Variants in BEND5 observed in about 807,000 individuals in gnomAD.
BEND5 encodes BEN domain containing 5.
BEND5 carries 22 observed loss-of-function variants against 43.9 expected under a neutral mutation model. That is an observed-to-expected ratio of 0.50 (90% CI 0.36 to 0.72). The LOEUF (loss-of-function observed/expected upper bound fraction) is 0.72. Ranked by LOEUF, BEND5 falls within the 30% of genes least tolerant of loss-of-function variation. The probability of loss-of-function intolerance (pLI) is 0.00; values close to 1 mark genes in which losing one functional copy is unlikely to be tolerated. For missense variants in BEND5, 428 were observed against 550.6 expected, an observed-to-expected ratio of 0.78 and a Z score of 2.23; for synonymous variants, 228 against 225.9, an observed-to-expected ratio of 1.01 and a Z score of -0.08.
intron 4 of BEND5, among the ~76,000 whole-genome samples, chr1:48,737,162 T>C (rs765118411): frequency 2.6e-5 from 4 of 152,136 alleles, no homozygotes; most frequent in Non-Finnish European, 5.9e-5. Context: ...CACGCACCTG[T>C]AGTCCCAGCT....
chr1:48,756,835 T>C (rs971031904), intron 3 of BEND5, among the ~76,000 whole-genome samples: 2 of 152,178 alleles, frequency 1.3e-5, no homozygotes, highest in Non-Finnish European at 1.5e-5. Context: ...CTATGCATAC[T>C]TGGGGCTCCA....
At position 48,761,521 on chromosome 1, in the gene BEND5, T is replaced by C. The variant is rs762876838; in HGVS notation, c.227-51A>G. 2.6e-4 allele frequency: 395 copies of C among 1,522,318 alleles called. 1 individual carries two copies. The highest frequency in any genetic ancestry group is 3.2e-4 in the Non-Finnish European group (364 of 1,131,968). The allele number at this position is 1,522,318 out of a possible 1,614,324, so 94.3% of individuals were successfully genotyped here. ...GTTCATCATGAGTTAAAATGAGTCATTATGAGTTTAGAATGCCCAAAACCT... is the reference window on the plus strand; with the variant it reads ...GTTCATCATGAGTTAAAATGAGTCACTATGAGTTTAGAATGCCCAAAACCT... On this transcript the variant is annotated intron_variant, in intron 1 of 5. Coordinates refer to ENST00000371833, the MANE Select transcript of BEND5 (RefSeq NM_024603.4).
chr1:48,728,287 A>G (rs1647502744), intron 5 of BEND5, among the ~76,000 whole-genome samples: 1 of 152,148 alleles, frequency 6.6e-6, no homozygotes, highest in African/African-American at 2.4e-5. Flanking sequence ...GTGGAGCAGG[A>G]TACTATTGGT....
At chr1:48,749,247 C>A (rs147053451) in intron 3 of BEND5, among the ~76,000 whole-genome samples, 87 of 152,016 alleles carry the variant, frequency 5.7e-4, no homozygotes, top group African/African-American at 2.0e-3. Context: ...TTTTTTCTCT[C>A]TGTAGCATTT....
At chr1:48,762,686 C>G (rs1220280206) in intron 1 of BEND5, among the ~76,000 whole-genome samples, 6 of 150,626 alleles carry the variant, frequency 4.0e-5, no homozygotes, top group Non-Finnish European at 8.8e-5. Context: ...TAAACATGCT[C>G]TTACACTGTT....
chr1:48,762,652 G>GTA (rs1644331131), intron 1 of BEND5, among the ~76,000 whole-genome samples: 3 of 147,014 alleles, frequency 2.0e-5, no homozygotes, highest in Admixed American at 1.4e-4. Flanking sequence ...GTGTGTGTGT[G>GTA]TGTGTGTATG....
chr1:48,755,780 A>T (rs936503787), intron 3 of BEND5, among the ~76,000 whole-genome samples: 1 of 152,144 alleles, frequency 6.6e-6, no homozygotes. Flanking sequence ...GTTTACCTCC[A>T]TCACTACCCT....
chr1:48,731,863 G>A (rs180934311), intron 5 of BEND5, among the ~76,000 whole-genome samples: 2 of 152,282 alleles, frequency 1.3e-5, no homozygotes, highest in Middle Eastern at 3.4e-3. Flanking sequence ...ATTCTGAACA[G>A]GCTGTGACTG....
At chr1:48,746,306 T>C (rs1650753217) in intron 3 of BEND5, among the ~76,000 whole-genome samples, 1 of 152,176 alleles carries the variant, frequency 6.6e-6, no homozygotes, top group Non-Finnish European at 1.5e-5. Flanking sequence ...TAAGTTCGTC[T>C]CTACTAAAGC....
At chr1:48,759,309 T>A in intron 2 of BEND5, 25 bp from the exon 3 acceptor site, 1 of 1,546,852 alleles carries the variant, frequency 6.5e-7, no homozygotes, top group Non-Finnish European at 8.7e-7. Context: ...GAGAATCAGT[T>A]CAGGCAAGGG....
chr1:48,774,669 T>C (rs943991643), intron 1 of BEND5, among the ~76,000 whole-genome samples: 3 of 152,224 alleles, frequency 2.0e-5, no homozygotes, highest in Admixed American at 2.0e-4. Context: ...TCAAAATTCA[T>C]GGTTCTCAAA....
rs58396843 is a variant in BEND5 at position 48,762,614 on chromosome 1, TTGTGTGTGTG to T, written c.227-1154_227-1145del. Among the ~76,000 whole-genome samples the T allele has an allele frequency of 6.9e-4, 52 of 75,180 alleles. No individual in the cohort carries two copies. In the South Asian group the frequency reaches 0.01, roughly 15 times the overall value. The allele number at this position is 75,180 out of a possible 152,430, so 49.3% of individuals were successfully genotyped here. A position where few individuals can be genotyped will look rare whatever the true frequency, so the allele number is the denominator to read the frequency against. ...TAGTTAAATCCAGTCTTTAAGGGTT[TTGTGTGTGTG>T]TGTGTGTGTGTGTGTGTGTGTGTGT... On this transcript the variant is annotated intron_variant, in intron 1 of 5. Coordinates refer to ENST00000371833, the MANE Select transcript of BEND5 (RefSeq NM_024603.4).
Position 48,727,775 on chromosome 1 carries a change from T to A in BEND5, c.*111A>T. 1.9e-6 allele frequency: 2 copies of A among 1,049,840 alleles called. No homozygotes were observed. The highest frequency in any genetic ancestry group is 2.8e-6 in the Non-Finnish European group (2 of 715,714). 65.0% of individuals were successfully genotyped at this position (1,049,840 alleles called of 1,614,324 possible). On this transcript the variant is annotated 3_prime_UTR_variant, in exon 6 of 6. Transcript: ENST00000371833. ...GCCGCTGACCCCAGAACCCGATGGA[T>A]CCCTGCACACACACCACCATGCACG...
At chr1:48,744,171 A>G (rs1314822779) in intron 3 of BEND5, among the ~76,000 whole-genome samples, 5 of 152,212 alleles carry the variant, frequency 3.3e-5, no homozygotes, top group African/African-American at 1.2e-4. Flanking sequence ...CCTCCCAATT[A>G]GAGGTGCAAG....
Position 48,736,553 on chromosome 1 carries a change from T to G in BEND5, c.895-101A>C. On this transcript the variant is annotated intron_variant, in intron 4 of 5. Coordinates refer to ENST00000371833, the MANE Select transcript of BEND5 (RefSeq NM_024603.4). This position sits in a 1 kb window ranked among gnomAD's most constrained non-coding sequence, Gnocchi z 4.0. ...AGCATTGCTGCACAACTGTAAGAGA[T>G]TCATGTCATAAATATGAAATTAACT... 9.9e-7 allele frequency: 1 copy of G among 1,012,956 alleles called. No individual in the cohort carries two copies. The highest frequency in any genetic ancestry group is 1.5e-6 in the Non-Finnish European group (1 of 666,906). 62.7% of individuals were successfully genotyped at this position (1,012,956 alleles called of 1,614,324 possible). A position where few individuals can be genotyped will look rare whatever the true frequency, so the allele number is the denominator to read the frequency against.
At chr1:48,772,714 G>A (rs1426881300) in intron 1 of BEND5, among the ~76,000 whole-genome samples, 8 of 152,142 alleles carry the variant, frequency 5.3e-5, no homozygotes, top group Admixed American at 5.2e-4. Context: ...AAAAGCAATT[G>A]GGAAAATAGA....
intron 3 of BEND5, among the ~76,000 whole-genome samples, chr1:48,750,450 C>T (rs997478752): frequency 2.0e-5 from 3 of 152,154 alleles, no homozygotes; most frequent in African/African-American, 7.2e-5. Context: ...TAACTTGGGG[C>T]CTCCTGCAGC....
chr1:48,729,045 C>G (rs1647668321), intron 5 of BEND5, among the ~76,000 whole-genome samples: 1 of 152,090 alleles, frequency 6.6e-6, no homozygotes, highest in South Asian at 2.1e-4. Context: ...AGCCTGGGGA[C>G]CTGGTGCAAC....
chr1:48,744,528 G>C (rs889602465), intron 3 of BEND5, among the ~76,000 whole-genome samples: 2 of 152,102 alleles, frequency 1.3e-5, no homozygotes, highest in African/African-American at 4.8e-5. Context: ...CTGAAAAGAG[G>C]AGGTCCATGA....
Sources: allele counts gnomAD v4.1 joint callset (sites outside exome capture counted in the v4.1 genomes callset), GRCh38; gene constraint gnomAD v4.1.1; non-coding constraint Gnocchi (gnomAD v3.1); transcripts MANE v1.5; gene names NCBI Gene and HGNC (gene_info 2026-07-23, HGNC 2026-07-21).